DMD: variants seen among roughly 807,000 people sequenced by gnomAD.
DMD encodes dystrophin.
A neutral mutation model predicts 330.1 loss-of-function variants in DMD; 63 were observed. That is an observed-to-expected ratio of 0.19 (90% CI 0.16 to 0.24). The LOEUF is 0.24. Among genes scored for constraint, DMD ranks in the 10% least tolerant of loss-of-function variants. The pLI, the probability that DMD is intolerant of heterozygous loss-of-function variation, is 1.00. For synonymous variants in DMD, 1,223 were observed against 959.8 expected (o/e 1.27, Z -5.07); for missense variants, 3,344 against 2,684.1 (o/e 1.25, Z -5.43).
At chrX:31,471,348 G>A (rs969686761) in intron 59 of DMD, among the ~76,000 whole-genome samples, 2 of 111,864 alleles carry the variant, frequency 1.8e-5, no homozygotes, top group African/African-American at 3.3e-5. Context: ...TGTCTGGGCT[G>A]GAATGCTCCG....
chrX:32,028,221 A>G (rs764512645), intron 44 of DMD, among the ~76,000 whole-genome samples: 1 of 111,804 alleles, frequency 8.9e-6, no homozygotes, highest in Admixed American at 9.5e-5. Flanking sequence ...TGTCTGAAAC[A>G]AAGAAGCAAA....
intron 44 of DMD, among the ~76,000 whole-genome samples, chrX:32,062,439 T>C (rs950659408): frequency 1.8e-5 from 2 of 110,453 alleles, no homozygotes; most frequent in African/African-American, 6.5e-5. Context: ...AAAAGGAAAG[T>C]TTATATAAAA....
At chrX:31,852,151 T>C (rs1303239917) in intron 48 of DMD, among the ~76,000 whole-genome samples, 2 of 111,101 alleles carry the variant, frequency 1.8e-5, no homozygotes, top group African/African-American at 6.5e-5. Flanking sequence ...TTAGGAAGCA[T>C]AGGAGAGTTT....
At position 32,191,510 on chromosome X, in the gene DMD, T is replaced by C. The variant is rs142002686; in HGVS notation, c.6438+25406A>G. On this transcript the variant is annotated intron_variant, in intron 44 of 78. Coordinates refer to ENST00000357033, the MANE Select transcript of DMD (RefSeq NM_004006.3). ...TGTTCTCTCCTCAATGCATATTTGT[T>C]GTATACTCTTTGCCAGGAGCTATGC... 7.5e-3 allele frequency among the ~76,000 whole-genome samples: 838 copies of C among 111,690 alleles called. 15 individuals carry two copies. Among genetic ancestry groups the C allele is most frequent in the African/African-American group, 0.026 (803 of 30,706 alleles).
rs1250957558 is a variant in DMD, at chrX:32,478,967, C to G, written c.2803+5952G>C. On this transcript the variant is annotated intron_variant, in intron 21 of 78. Coordinates refer to ENST00000357033, the MANE Select transcript of DMD (RefSeq NM_004006.3). ...GCTCTATTATTCACCTCCTGGACAACTGATTTATTTTCCAGGTAAGTCTCA... is the reference window on the plus strand; with the variant it reads ...GCTCTATTATTCACCTCCTGGACAAGTGATTTATTTTCCAGGTAAGTCTCA... Among the ~76,000 whole-genome samples the G allele has an allele frequency of 1.3e-4, 14 of 111,152 alleles. 1 individual carries two copies. The highest frequency in any genetic ancestry group is 9.2e-3 in the Middle Eastern group (2 of 218).
intron 1 of DMD, among the ~76,000 whole-genome samples, chrX:33,091,462 A>C (rs997825250): frequency 3.6e-5 from 4 of 112,005 alleles, no homozygotes; most frequent in Non-Finnish European, 3.8e-5. Flanking sequence ...TTTTCTGAGG[A>C]GTCCCACAGC....
chrX:31,435,734 T>C (rs1192892712), intron 60 of DMD: 2 of 111,684 alleles, frequency 1.8e-5, no homozygotes, highest in Admixed American at 1.9e-4. Context: ...GCTCTTTGAA[T>C]GCTGGGTATG....
chrX:32,392,868 A>C (rs893338032), intron 30 of DMD, among the ~76,000 whole-genome samples: 11 of 112,830 alleles, frequency 9.7e-5, no homozygotes, highest in African/African-American at 3.5e-4. Flanking sequence ...TAAGTGCTTC[A>C]GCAACAATCA....
intron 2 of DMD, among the ~76,000 whole-genome samples, chrX:33,008,912 A>G (rs1366972226): frequency 1.2e-5 from 1 of 84,735 alleles, no homozygotes; most frequent in African/African-American, 3.9e-5. Context: ...ACATACTCAT[A>G]TATGTATATA....
chrX:32,331,191 C>T (rs1255330392), intron 41 of DMD, among the ~76,000 whole-genome samples: 2 of 111,739 alleles, frequency 1.8e-5, no homozygotes, highest in East Asian at 5.6e-4. Context: ...TATCTGTAAT[C>T]ATTTCCACTA....
chrX:32,546,171 A>G lies in DMD; in HGVS notation c.1993-837T>C, dbSNP rs146560273. Among the ~76,000 whole-genome samples, 404 of 102,953 alleles carry G rather than the reference A, an allele frequency of 3.9e-3. 1 individual carries two copies. The highest frequency in any genetic ancestry group is 0.014 in the African/African-American group (390 of 28,111). The allele number at this position is 102,953 out of a possible 115,157, so 89.4% of individuals were successfully genotyped here. A position where few individuals can be genotyped will look rare whatever the true frequency, so the allele number is the denominator to read the frequency against. ...TCAATACATGGGCATTACGAGATAG[A>G]CAAGTCATATAATGGTGAGACAATC... is the stretch of plus-strand genomic sequence containing the variant. On this transcript the variant is annotated intron_variant, in intron 16 of 78. Transcript: ENST00000357033.
At chrX:32,599,628 ATGTT>A (rs201406806) in intron 12 of DMD, among the ~76,000 whole-genome samples, 8,571 of 111,418 alleles carry the variant, frequency 0.077, 326 homozygotes, top group Middle Eastern at 0.13. Context: ...GTACACAAAA[ATGTT>A]TGTCTGTCAG....
intron 18 of DMD, among the ~76,000 whole-genome samples, chrX:32,508,845 C>G (rs1346476300): frequency 9.1e-6 from 1 of 110,118 alleles, no homozygotes; most frequent in Non-Finnish European, 1.9e-5. Context: ...GAGTCTCGCT[C>G]TGTCGCCCAG....
intron 1 of DMD, among the ~76,000 whole-genome samples, chrX:33,240,625 T>C (rs1428040940): frequency 8.9e-6 from 1 of 111,735 alleles, no homozygotes; most frequent in African/African-American, 3.3e-5. Flanking sequence ...TTTTAATTTT[T>C]TTGAGAAAGC....
intron 74 of DMD, among the ~76,000 whole-genome samples, chrX:31,151,428 T>C (rs1357091597): frequency 8.9e-6 from 1 of 112,319 alleles, no homozygotes; most frequent in East Asian, 2.8e-4. Flanking sequence ...CAACAAGCCA[T>C]TACTGTCTTC....
At chrX:32,156,798 G>A (rs951947172) in intron 44 of DMD, among the ~76,000 whole-genome samples, 1 of 111,456 alleles carries the variant, frequency 9.0e-6, no homozygotes, top group African/African-American at 3.3e-5. Flanking sequence ...TAAATTCACA[G>A]GCATATTCTT....
Position 32,614,422 on chromosome X carries a change from G to C in DMD, c.1363C>G (p.Gln455Glu), listed in dbSNP as rs770751579. The C allele has an allele frequency of 1.4e-5, 17 of 1,205,401 alleles. No individual in the cohort carries two copies. The South Asian group carries it at 2.6e-4, about 19-fold the overall frequency. The change falls in exon 12 of 79, where the codon CAG (glutamine) becomes GAG (glutamate). Residue 455 changes from glutamine (Q) to glutamate (E), a missense_variant. Physicochemically the swap from Gln to Glu is conservative, Grantham distance 29. Coordinates refer to ENST00000357033, the MANE Select transcript of DMD (RefSeq NM_004006.3). Reference sequence around the variant, plus strand: ...CAGTCATTCAACTCTTTCAGTTTCTGATTCTGGAGATCCATTAAAACTCTA... The same window carrying C: ...CAGTCATTCAACTCTTTCAGTTTCTCATTCTGGAGATCCATTAAAACTCTA... ...LHRVLMDLQN[Q>E]KLKELNDWLT...
chrX:31,639,548 T>C (rs2079606932), intron 54 of DMD, among the ~76,000 whole-genome samples: 1 of 111,919 alleles, frequency 8.9e-6, no homozygotes, highest in Non-Finnish European at 1.9e-5. Context: ...TTTGGAAAAT[T>C]ACGCTATGGA....
chrX:31,899,510 G>A (rs745810145), intron 47 of DMD, among the ~76,000 whole-genome samples: 1 of 110,985 alleles, frequency 9.0e-6, no homozygotes, highest in South Asian at 3.8e-4. Context: ...GAAAATTGAA[G>A]AAAATAATAA....
Sources: gnomAD v4.1 joint callset for allele counts (sites outside exome capture counted in the v4.1 genomes callset) on GRCh38, gnomAD v4.1.1 for gene constraint, MANE v1.5 for transcripts, NCBI Gene and HGNC (gene_info 2026-07-23, HGNC 2026-07-21) for gene names.